The following CDH18 variants were observed in gnomAD, a reference collection of about 807,000 sequenced individuals.
CDH18 encodes cadherin-18.
A neutral mutation model predicts 67.9 loss-of-function variants in CDH18; 31 were observed. The ratio of observed to expected loss-of-function variants is 0.46; its 90% CI spans 0.34 to 0.62. CDH18 has a LOEUF of 0.62. Among genes scored for constraint, CDH18 ranks in the 20% least tolerant of loss-of-function variants. The pLI is 0.01. For synonymous variants in CDH18, 362 were observed against 347.2 expected (o/e 1.04, Z -0.48); for missense variants, 890 against 975.5 (o/e 0.91, Z 1.17).
rs532375699 is a variant in CDH18 at position 20,429,332 on chromosome 5, G to A, written c.-580+146130C>T. Reference sequence around the variant, plus strand: ...GTGTTTAATAAAAAAGAAGAGCAGAGAGAAAGAGGAGAATAACACCATTCC... The same window carrying A: ...GTGTTTAATAAAAAAGAAGAGCAGAAAGAAAGAGGAGAATAACACCATTCC... On this transcript the variant is annotated intron_variant, in intron 1 of 14. Coordinates refer to the CDH18 transcript ENST00000507958. Among the ~76,000 whole-genome samples, 9 of 152,246 alleles carry A rather than the reference G, an allele frequency of 5.9e-5. No homozygotes were observed. In the South Asian group the frequency reaches 1.7e-3, roughly 28 times the overall value.
intron 2 of CDH18, among the ~76,000 whole-genome samples, chr5:20,060,191 G>A (rs1473990600): frequency 2.6e-5 from 4 of 152,078 alleles, no homozygotes; most frequent in Non-Finnish European, 2.9e-5. Context: ...TAGGCGGAGC[G>A]TGGTGACTCA....
rs556230065 is a variant in CDH18, at chr5:20,134,604, G to A, written c.-518+120840C>T. Reference sequence around the variant, plus strand: ...TCCCTTCCGTGACATGTGATGACATGTGGGGATTATGGGAACTATAATTCA... The same window carrying A: ...TCCCTTCCGTGACATGTGATGACATATGGGGATTATGGGAACTATAATTCA... On this transcript the variant is annotated intron_variant, in intron 2 of 14. Transcript: ENST00000507958. Among the ~76,000 whole-genome samples, 6 of 152,318 alleles carry A rather than the reference G, an allele frequency of 3.9e-5. No homozygotes were observed. The South Asian group carries it at 1.2e-3, about 32-fold the overall frequency.
At chr5:19,533,777 C>T (rs922248400) in intron 9 of CDH18, among the ~76,000 whole-genome samples, 6 of 151,968 alleles carry the variant, frequency 3.9e-5, no homozygotes, top group Admixed American at 1.3e-4. Context: ...CATCCACTAG[C>T]TAGGTTGATA....
chr5:19,988,145 G>T lies in CDH18; in HGVS notation c.-435C>A, dbSNP rs1380177934. On this transcript the variant is annotated 5_prime_UTR_variant, in exon 1 of 13. Transcript: ENST00000382275. Reference sequence around the variant, plus strand: ...TTAATTTATAAGAAGCAAAGAGAGGGGACTTTCCCAGAGCTCTGGGCACAG... The same window carrying T: ...TTAATTTATAAGAAGCAAAGAGAGGTGACTTTCCCAGAGCTCTGGGCACAG... 1 of 152,124 alleles carries T rather than the reference G, an allele frequency of 6.6e-6. No individual in the cohort carries two copies. Among genetic ancestry groups the T allele is most frequent in the African/African-American group, 2.4e-5 (1 of 41,434 alleles). The allele number at this position is 152,124 out of a possible 1,614,324, so 9.4% of individuals were successfully genotyped here.
chr5:20,518,631 G>T (rs1049152492), intron 1 of CDH18, among the ~76,000 whole-genome samples: 1 of 152,080 alleles, frequency 6.6e-6, no homozygotes, highest in Non-Finnish European at 1.5e-5. Context: ...AATTACAGAT[G>T]ATTTCATTTA....
chr5:19,594,533 T>C (rs1003801692), intron 6 of CDH18, among the ~76,000 whole-genome samples: 4 of 152,192 alleles, frequency 2.6e-5, no homozygotes, highest in African/African-American at 9.6e-5. Flanking sequence ...TGTCTGGATT[T>C]ATTTAGAGGC....
intron 4 of CDH18, among the ~76,000 whole-genome samples, chr5:19,731,446 A>G (rs1043498524): frequency 4.6e-5 from 7 of 151,464 alleles, no homozygotes; most frequent in Admixed American, 4.6e-4. Flanking sequence ...GTGAGACTCC[A>G]TCTCAACAAC....
intron 2 of CDH18, among the ~76,000 whole-genome samples, chr5:20,245,366 T>C (rs1743297771): frequency 6.6e-6 from 1 of 152,092 alleles, no homozygotes; most frequent in South Asian, 2.1e-4. Flanking sequence ...AAAAACAATG[T>C]ATTTATTGAG....
chr5:20,030,010 T>C (rs1343374457), intron 2 of CDH18, among the ~76,000 whole-genome samples: 1 of 152,194 alleles, frequency 6.6e-6, no homozygotes, highest in Non-Finnish European at 1.5e-5. Flanking sequence ...ATGATGGCTG[T>C]TGGCTGGGGG....
At chr5:20,199,475 A>G (rs1739268996) in intron 2 of CDH18, among the ~76,000 whole-genome samples, 1 of 152,104 alleles carries the variant, frequency 6.6e-6, no homozygotes, top group South Asian at 2.1e-4. Flanking sequence ...CAATGCCTGT[A>G]CCCCTATAGT....
chr5:20,014,236 T>G (rs1159434164), intron 2 of CDH18, among the ~76,000 whole-genome samples: 1 of 152,124 alleles, frequency 6.6e-6, no homozygotes, highest in African/African-American at 2.4e-5. Flanking sequence ...CTTTAGGATA[T>G]AAGGAAATAT....
intron 1 of CDH18, among the ~76,000 whole-genome samples, chr5:20,569,390 C>T (rs534934293): frequency 6.6e-6 from 1 of 152,046 alleles, no homozygotes; most frequent in African/African-American, 2.4e-5. Flanking sequence ...TGGAAGGCCA[C>T]GGCGGGCGGA....
At chr5:19,531,609 TCACACACA>T (rs10552517) in intron 9 of CDH18, among the ~76,000 whole-genome samples, 15,675 of 148,744 alleles carry the variant, frequency 0.11, 1,214 homozygotes, top group African/African-American at 0.21. Context: ...ATGTGTGTTC[TCACACACA>T]CACACACACA....
chr5:19,672,538 A>G (rs1471664983), intron 5 of CDH18, among the ~76,000 whole-genome samples: 1 of 152,112 alleles, frequency 6.6e-6, no homozygotes, highest in Admixed American at 6.6e-5. Flanking sequence ...CTTTTTATCT[A>G]TGTAATTCCT....
intron 2 of CDH18, among the ~76,000 whole-genome samples, chr5:19,975,215 T>G (rs899927124): frequency 1.3e-5 from 2 of 152,166 alleles, no homozygotes; most frequent in African/African-American, 2.4e-5. Flanking sequence ...TTTCTATGAT[T>G]TTTTCAGCAT....
chr5:20,023,729 T>A (rs1213046643), intron 2 of CDH18, among the ~76,000 whole-genome samples: 3 of 151,794 alleles, frequency 2.0e-5, no homozygotes, highest in African/African-American at 7.3e-5. Flanking sequence ...TAGCAAAACT[T>A]AAATAACAAA....
chr5:19,656,482 T>C (rs530693861), intron 5 of CDH18, among the ~76,000 whole-genome samples: 1 of 152,188 alleles, frequency 6.6e-6, no homozygotes, highest in South Asian at 2.1e-4. Context: ...AAAGTGTCAG[T>C]TTAGAAATAC....
At chr5:20,306,519 AC>A (rs1399753525) in intron 1 of CDH18, among the ~76,000 whole-genome samples, 2 of 119,222 alleles carry the variant, frequency 1.7e-5, no homozygotes, top group African/African-American at 2.5e-5. Flanking sequence ...ATTTGCCTCA[AC>A]AAATGGCTGC....
intron 1 of CDH18, chr5:20,305,712 C>G (rs926576668): frequency 1.4e-4 from 55 of 397,066 alleles, no homozygotes; most frequent in African/African-American, 1.0e-3. Flanking sequence ...CGAGACGCGC[C>G]GGTTCAGCCG....
Sources: allele counts gnomAD v4.1 joint callset (sites outside exome capture counted in the v4.1 genomes callset), GRCh38; gene constraint gnomAD v4.1.1; transcripts MANE v1.5; gene names NCBI Gene and HGNC (gene_info 2026-07-23, HGNC 2026-07-21).